The following AKAP13 variants were observed in gnomAD, a reference collection of about 807,000 sequenced individuals.
AKAP13 encodes A-kinase anchoring protein 13, also known as A-kinase anchor protein 13.
AKAP13 carries 80 observed loss-of-function variants against 264.5 expected under a neutral mutation model. The observed-to-expected ratio is 0.30, with a 90% CI of 0.25 to 0.36. The LOEUF (loss-of-function observed/expected upper bound fraction) is 0.36. AKAP13 is among the 10% of genes least tolerant of loss of function. AKAP13 has a pLI of 1.00. For missense variants in AKAP13, 3,712 were observed against 3,435.2 expected (o/e 1.08, Z -2.01); for synonymous variants, 1,380 against 1,250.2 (o/e 1.10, Z -2.19).
intron 1 of AKAP13, among the ~76,000 whole-genome samples, chr15:85,437,470 T>C (rs74362321): frequency 0.54 from 82,079 of 150,706 alleles, 23,206 homozygotes; most frequent in African/African-American, 0.66. Context: ...ACTCATTTTA[T>C]GAGGCCAGCA....
chr15:85,742,699 G>A (rs113041207), intron 35 of AKAP13, among the ~76,000 whole-genome samples: 203 of 152,284 alleles, frequency 1.3e-3, no homozygotes, highest in Non-Finnish European at 2.2e-3. Flanking sequence ...TGGTTATTTC[G>A]AAACATGGAT....
At chr15:85,725,438 A>G (rs2087560151) in intron 26 of AKAP13, among the ~76,000 whole-genome samples, 1 of 152,158 alleles carries the variant, frequency 6.6e-6, no homozygotes, top group Admixed American at 6.5e-5. Context: ...TTTAAAAAAA[A>G]AACTTTTTCA....
At chr15:85,453,129 G>C (rs2074151414) in intron 1 of AKAP13, among the ~76,000 whole-genome samples, 1 of 152,184 alleles carries the variant, frequency 6.6e-6, no homozygotes, top group South Asian at 2.1e-4. Context: ...CAGCTTGTTG[G>C]AGTGTGGATA....
chr15:85,382,606 T>C (rs1342718850), intron 1 of AKAP13, among the ~76,000 whole-genome samples: 3 of 152,222 alleles, frequency 2.0e-5, no homozygotes, highest in Non-Finnish European at 4.4e-5. Context: ...TTTCCTTCTC[T>C]GGGCGGTGAT....
chr15:85,471,183 A>AT (rs1421527440), intron 1 of AKAP13, among the ~76,000 whole-genome samples: 1 of 152,192 alleles, frequency 6.6e-6, no homozygotes, highest in Non-Finnish European at 1.5e-5. Context: ...GTTTGAAGAT[A>AT]TTTTTTAAAA....
At chr15:85,404,765 T>G (rs1448695778) in intron 1 of AKAP13, among the ~76,000 whole-genome samples, 2 of 152,218 alleles carry the variant, frequency 1.3e-5, no homozygotes, top group African/African-American at 4.8e-5. Context: ...CAGCTTATGG[T>G]AGGGGCTCAG....
chr15:85,621,497 A>G (rs1430494932), intron 8 of AKAP13: 2 of 152,212 alleles, frequency 1.3e-5, no homozygotes, highest in Non-Finnish European at 2.9e-5. Context: ...CTTTATGTCC[A>G]TGATACCCTA....
intron 8 of AKAP13, among the ~76,000 whole-genome samples, chr15:85,637,000 C>G (rs1227723167): frequency 6.6e-6 from 1 of 152,168 alleles, no homozygotes; most frequent in Non-Finnish European, 1.5e-5. Context: ...CTAAACCAAC[C>G]TTAAATTCCT....
At chr15:85,552,526 T>G (rs2077991851) in intron 5 of AKAP13, among the ~76,000 whole-genome samples, 1 of 152,222 alleles carries the variant, frequency 6.6e-6, no homozygotes, top group South Asian at 2.1e-4. Flanking sequence ...TTTGTTTTAT[T>G]AATGAAAACA....
chr15:85,508,379 G>T (rs1448515099), intron 2 of AKAP13, among the ~76,000 whole-genome samples: 1 of 152,098 alleles, frequency 6.6e-6, no homozygotes, highest in Non-Finnish European at 1.5e-5. Context: ...CTGGGTTCAA[G>T]CAATCCACCT....
chr15:85,493,581 A>C (rs2075793507), intron 2 of AKAP13, among the ~76,000 whole-genome samples: 1 of 152,210 alleles, frequency 6.6e-6, no homozygotes. Context: ...CTGTGAGATA[A>C]TATCTTACCT....
At position 85,743,768 on chromosome 15, in the gene AKAP13, C is replaced by G; in HGVS notation, c.8335C>G (p.Pro2779Ala). The G allele has an allele frequency of 6.2e-7, 1 of 1,613,478 alleles. No homozygotes were observed. The highest frequency in any genetic ancestry group is 8.5e-7 in the Non-Finnish European group (1 of 1,179,852). Reference sequence around the variant, plus strand: ...TACCCGCCTGTTTGGGTTAACAAAGCCAAAGGAAAAGAAGGAGAAAAAAAA... The same window carrying G: ...TACCCGCCTGTTTGGGTTAACAAAGGCAAAGGAAAAGAAGGAGAAAAAAAA... ...ASTRLFGLTK[P>A]KEKKEKKKKN... The change falls in exon 36 of 37, where the codon CCA becomes GCA. Residue 2779 changes from proline (P) to alanine (A), a missense_variant. Transcript: ENST00000394518.
At chr15:85,567,941 G>GGTGTGTGTGT (rs57049395) in intron 5 of AKAP13, among the ~76,000 whole-genome samples, 4,373 of 141,852 alleles carry the variant, frequency 0.031, 69 homozygotes, top group African/African-American at 0.04. Flanking sequence ...AGCCCAAAGA[G>GGTGTGTGTGT]GTGTGTGTGT....
chr15:85,570,222 G>T (rs2078767172), intron 5 of AKAP13, among the ~76,000 whole-genome samples: 1 of 152,144 alleles, frequency 6.6e-6, no homozygotes, highest in East Asian at 1.9e-4. Context: ...AGGTAGAGAA[G>T]GATGGATCAC....
chr15:85,563,455 T>C (rs929670414), intron 5 of AKAP13, among the ~76,000 whole-genome samples: 1 of 151,562 alleles, frequency 6.6e-6, no homozygotes, highest in Non-Finnish European at 1.5e-5. Flanking sequence ...GATGGTGGAC[T>C]TTGGAACTTT....
intron 1 of AKAP13, among the ~76,000 whole-genome samples, chr15:85,397,764 A>C (rs144576595): frequency 8.2e-4 from 125 of 152,384 alleles, no homozygotes; most frequent in African/African-American, 2.8e-3. Flanking sequence ...TGTCAGGCAC[A>C]CTACTGGGCA....
chr15:85,456,913 G>A (rs1445873217), intron 1 of AKAP13, among the ~76,000 whole-genome samples: 1 of 152,106 alleles, frequency 6.6e-6, no homozygotes, highest in Non-Finnish European at 1.5e-5. Context: ...TTGTGGATTT[G>A]GAGAAGTATT....
chr15:85,587,297 A>G lies in AKAP13; in HGVS notation c.4161+1474A>G, dbSNP rs957092459. On this transcript the variant is annotated intron_variant, in intron 8 of 36. Transcript: ENST00000394518. ...CATTCCAGAACTTCATGTAAATGGT[A>G]TAACACAATATGTGATCTTTTGTCT... Among the ~76,000 whole-genome samples, 52 of 152,256 alleles carry G rather than the reference A, an allele frequency of 3.4e-4. 1 individual carries two copies. The highest frequency in any genetic ancestry group is 3.1e-3 in the Admixed American group (48 of 15,290).
chr15:85,463,549 T>C (rs2074605638), intron 1 of AKAP13, among the ~76,000 whole-genome samples: 1 of 152,140 alleles, frequency 6.6e-6, no homozygotes. Flanking sequence ...TGGATGGTGG[T>C]TTTTTGAAAC....
Sources: allele counts gnomAD v4.1 joint callset (sites outside exome capture counted in the v4.1 genomes callset), GRCh38; gene constraint gnomAD v4.1.1; transcripts MANE v1.5; gene names NCBI Gene and HGNC (gene_info 2026-07-23, HGNC 2026-07-21).